ALPK2: variants seen among roughly 807,000 people sequenced by gnomAD.
ALPK2 encodes alpha-protein kinase 2.
A neutral mutation model predicts 163.1 loss-of-function variants in ALPK2; 127 were observed. That is an observed-to-expected ratio of 0.78 (90% CI 0.67 to 0.90). ALPK2 has a LOEUF of 0.90. Among genes scored for constraint, ALPK2 ranks in the 40% least tolerant of loss-of-function variants. The pLI, the probability that ALPK2 is intolerant of heterozygous loss-of-function variation, is 0.00. For synonymous variants in ALPK2, 953 were observed against 959.1 expected, an observed-to-expected ratio of 0.99 and a Z score of 0.12; for missense variants, 2,360 against 2,589.6, an observed-to-expected ratio of 0.91 and a Z score of 1.92.
intron 10 of ALPK2, among the ~76,000 whole-genome samples, chr18:58,513,175 G>T (rs1602194760): frequency 6.6e-6 from 1 of 151,210 alleles, no homozygotes; most frequent in East Asian, 1.9e-4. Context: ...TGTGTGTGGG[G>T]TGTGTGTTTG....
intron 4 of ALPK2, among the ~76,000 whole-genome samples, chr18:58,574,219 C>G (rs1352394005): frequency 6.6e-6 from 1 of 150,778 alleles, no homozygotes; most frequent in Non-Finnish European, 1.5e-5. Flanking sequence ...TGAGGCGGGG[C>G]GGATCACAAG....
intron 4 of ALPK2, chr18:58,543,358 C>A (rs146678672): frequency 4.3e-5 from 42 of 985,440 alleles, no homozygotes; most frequent in Non-Finnish European, 4.9e-5. Flanking sequence ...AACAAGTGCT[C>A]TGTGCACCAG....
Position 58,535,741 on chromosome 18 carries a change from A to T in ALPK2, c.4446T>A (p.Ile1482=). Reference sequence around the variant, plus strand: ...TGGCAGTTTTTGCCTCCTCAGGTTGAATTTGTTCAGCCTCCTGCTTCATAC... The same window carrying T: ...TGGCAGTTTTTGCCTCCTCAGGTTGTATTTGTTCAGCCTCCTGCTTCATAC... ...EGSMKQEAEQ[I]QPEEAKTAIW... is the part of the protein sequence containing the mutation. Residue 1482 remains isoleucine (I), a synonymous_variant, in exon 5 of 13, where the codon ATT becomes ATA. Coordinates refer to ENST00000361673, the MANE Select transcript of ALPK2 (RefSeq NM_052947.4). 2 of 1,614,152 alleles carry T rather than the reference A, an allele frequency of 1.2e-6. No individual in the cohort carries two copies. The highest frequency in any genetic ancestry group is 1.7e-6 in the Non-Finnish European group (2 of 1,180,012).
At chr18:58,577,174 C>T (rs902584065) in intron 4 of ALPK2, among the ~76,000 whole-genome samples, 3 of 152,198 alleles carry the variant, frequency 2.0e-5, no homozygotes, top group Non-Finnish European at 4.4e-5. Context: ...CCAGGGCTCT[C>T]GATCTCAGAA....
Position 58,579,150 on chromosome 18 carries a change from C to A in ALPK2, c.1626G>T (p.Met542Ile). The A allele has an allele frequency of 6.2e-7, 1 of 1,614,208 alleles. No homozygotes were observed. The highest frequency in any genetic ancestry group is 8.5e-7 in the Non-Finnish European group (1 of 1,180,042). ...CATTCGGCTTCTTGGGATTTCCCTT[C>A]ATTCCCGGCTGCCTCACCCTGGCAG... ...RKSARVRQPG[M>I]KGNPKKPNAN... The change falls in exon 4 of 13, where the codon ATG (methionine) becomes ATT (isoleucine). Residue 542 changes from methionine (M) to isoleucine (I), a missense_variant. Coordinates refer to ENST00000361673, the MANE Select transcript of ALPK2 (RefSeq NM_052947.4).
chr18:58,506,300 G>A (rs933035838), intron 10 of ALPK2, among the ~76,000 whole-genome samples: 2 of 150,836 alleles, frequency 1.3e-5, no homozygotes, highest in South Asian at 4.2e-4. Flanking sequence ...TTTAGTTAAA[G>A]CCCAAACCTC....
rs749151417 is a variant in ALPK2, at chr18:58,535,821, A to C, written c.4366T>G (p.Cys1456Gly). The C allele has an allele frequency of 6.2e-7, 1 of 1,614,210 alleles. No homozygotes were observed. The highest frequency in any genetic ancestry group is 8.5e-7 in the Non-Finnish European group (1 of 1,180,024). ...TCACTCAGAATGGTTCCCTGGAGAC[A>C]TGGAACTTGCAAAATGGCCGGCTGG... ...EIQPAILQVPCLQGTILSENR... is the reference protein window; with the variant it reads ...EIQPAILQVPGLQGTILSENR... Residue 1456 changes from cysteine (C) to glycine (G), a missense_variant, in exon 5 of 13, where the codon TGT becomes GGT. By Grantham distance (159) the Cys-to-Gly change is radical. Coordinates refer to ENST00000361673, the MANE Select transcript of ALPK2 (RefSeq NM_052947.4).
At chr18:58,581,182 A>G (rs2051957335) in intron 3 of ALPK2, among the ~76,000 whole-genome samples, 1 of 152,236 alleles carries the variant, frequency 6.6e-6, no homozygotes, top group Non-Finnish European at 1.5e-5. Flanking sequence ...TTGAAAAAGC[A>G]TTTTTCTAGA....
chr18:58,529,346 A>G, intron 5 of ALPK2, 108 bp from the exon 6 acceptor site: 9 of 1,202,880 alleles, frequency 7.5e-6, no homozygotes, highest in Non-Finnish European at 9.1e-6. Flanking sequence ...ATTATCCCCA[A>G]TTATGGAAGT....
At chr18:58,533,664 C>T (rs117747922) in intron 5 of ALPK2, among the ~76,000 whole-genome samples, 15,447 of 152,066 alleles carry the variant, frequency 0.1, 880 homozygotes, top group Middle Eastern at 0.15. Context: ...CCATGTTGCT[C>T]AGGCTGGTCT....
At chr18:58,511,351 ACT>A in intron 10 of ALPK2, among the ~76,000 whole-genome samples, 1 of 151,898 alleles carries the variant, frequency 6.6e-6, no homozygotes, top group African/African-American at 2.4e-5. Context: ...AATTTAATAA[ACT>A]CTTTATTGCA....
intron 3 of ALPK2, among the ~76,000 whole-genome samples, chr18:58,601,086 T>C (rs2052067058): frequency 6.6e-6 from 1 of 152,084 alleles, no homozygotes; most frequent in African/African-American, 2.4e-5. Context: ...TGAAACCCCA[T>C]CTCTACTAAA....
At chr18:58,546,605 T>C (rs957352998) in intron 4 of ALPK2, among the ~76,000 whole-genome samples, 2 of 152,208 alleles carry the variant, frequency 1.3e-5, no homozygotes, top group Non-Finnish European at 2.9e-5. Context: ...GTTGGTAAAA[T>C]GGCATAGAAA....
At chr18:58,558,606 A>G (rs1019909450) in intron 4 of ALPK2, among the ~76,000 whole-genome samples, 2 of 152,248 alleles carry the variant, frequency 1.3e-5, no homozygotes, top group Admixed American at 1.3e-4. Context: ...ACATATGCCC[A>G]CAAAATGATC....
chr18:58,608,156 T>C (rs2052108231), intron 2 of ALPK2, among the ~76,000 whole-genome samples: 1 of 152,246 alleles, frequency 6.6e-6, no homozygotes, highest in Admixed American at 6.5e-5. Flanking sequence ...TATACTTTAA[T>C]AGTGCTCAAA....
At chr18:58,556,170 C>T (rs11152084) in intron 4 of ALPK2, among the ~76,000 whole-genome samples, 28,861 of 130,354 alleles carry the variant, frequency 0.22, 3,144 homozygotes, top group East Asian at 0.34. Flanking sequence ...GACTAGATCT[C>T]ACACACACAC....
chr18:58,625,694 G>A (rs2052226191), intron 1 of ALPK2, among the ~76,000 whole-genome samples: 4 of 152,244 alleles, frequency 2.6e-5, no homozygotes, highest in Admixed American at 2.6e-4. Flanking sequence ...TTATCTAAGA[G>A]CAGGATTGAA....
rs1004034095 is a variant in ALPK2 at position 58,607,690 on chromosome 18, C to T, written c.110-251G>A. Among the ~76,000 whole-genome samples, 7 of 152,124 alleles carry T rather than the reference C, an allele frequency of 4.6e-5. No homozygotes were observed. The East Asian group carries it at 5.8e-4, about 13-fold the overall frequency. ...TGGGTGGCATACAAAATGAAAAATG[C>T]TACCCCTAATCTCAACGTGCTATTA... On this transcript the variant is annotated intron_variant, in intron 2 of 12. Coordinates refer to ENST00000361673, the MANE Select transcript of ALPK2 (RefSeq NM_052947.4).
intron 4 of ALPK2, among the ~76,000 whole-genome samples, chr18:58,539,703 A>G (rs948593558): frequency 2.0e-5 from 3 of 152,182 alleles, no homozygotes; most frequent in East Asian, 1.9e-4. Context: ...GTATGACAAA[A>G]CAGAGCTGAA....
Sources: gnomAD v4.1 joint callset for allele counts (sites outside exome capture counted in the v4.1 genomes callset) on GRCh38, gnomAD v4.1.1 for gene constraint, MANE v1.5 for transcripts, NCBI Gene and HGNC (gene_info 2026-07-23, HGNC 2026-07-21) for gene names.